Variants in AOPEP observed in about 807,000 individuals in gnomAD.
AOPEP encodes the protein aminopeptidase O.
In AOPEP, 77 loss-of-function variants were observed where a neutral mutation model predicts 98.1. The observed-to-expected ratio is 0.78, with a 90% CI of 0.65 to 0.95. The LOEUF (loss-of-function observed/expected upper bound fraction) is 0.95, where lower values mean the gene tolerates loss of function less well. AOPEP is among the 40% of genes least tolerant of loss of function. The pLI, the probability that AOPEP is intolerant of heterozygous loss-of-function variation, is 0.00. For synonymous variants in AOPEP, 346 were observed against 365.3 expected, an observed-to-expected ratio of 0.95 and a Z score of 0.60; for missense variants, 1,024 against 1,024.7, an observed-to-expected ratio of 1.00 and a Z score of 0.01.
At chr9:94,947,966 G>C (rs1440179326) in intron 7 of AOPEP, among the ~76,000 whole-genome samples, 1 of 152,186 alleles carries the variant, frequency 6.6e-6, no homozygotes, top group East Asian at 1.9e-4. Context: ...TACTATGTTG[G>C]AAGCCACAGC....
chr9:95,044,365 G>T (rs907538464), intron 13 of AOPEP, among the ~76,000 whole-genome samples: 1 of 151,336 alleles, frequency 6.6e-6, no homozygotes, highest in African/African-American at 2.4e-5. Context: ...TTCAAAACTG[G>T]CTCCGCTGGA....
intron 11 of AOPEP, among the ~76,000 whole-genome samples, chr9:94,999,003 A>T (rs892496368): frequency 6.6e-6 from 1 of 152,308 alleles, no homozygotes; most frequent in South Asian, 2.1e-4. Flanking sequence ...TTATAAGTAG[A>T]GTTATAAGTT....
At chr9:94,879,454 G>A (rs2047328244) in intron 5 of AOPEP, among the ~76,000 whole-genome samples, 1 of 152,148 alleles carries the variant, frequency 6.6e-6, no homozygotes, top group South Asian at 2.1e-4. Context: ...GGTGATAAAG[G>A]CAATGGTAGT....
intron 4 of AOPEP, 78 bp downstream of exon 4, chr9:94,792,996 A>C: frequency 7.0e-7 from 1 of 1,436,332 alleles, no homozygotes; most frequent in Admixed American, 2.1e-5. Flanking sequence ...TCTTCCAAGC[A>C]CTGGGAATGT....
chr9:94,797,147 G>A (rs1847127780), intron 4 of AOPEP, among the ~76,000 whole-genome samples: 1 of 152,184 alleles, frequency 6.6e-6, no homozygotes, highest in Non-Finnish European at 1.5e-5. Context: ...AAAAAGCACA[G>A]AATTGGCCAG....
intron 5 of AOPEP, among the ~76,000 whole-genome samples, chr9:94,888,387 A>G (rs2048483975): frequency 6.6e-6 from 1 of 151,422 alleles, no homozygotes; most frequent in Non-Finnish European, 1.5e-5. Context: ...GACCTGTACA[A>G]GGAGGGCCTA....
intron 5 of AOPEP, among the ~76,000 whole-genome samples, chr9:94,837,944 C>T (rs932210403): frequency 2.6e-5 from 4 of 152,184 alleles, no homozygotes; most frequent in African/African-American, 9.6e-5. Flanking sequence ...TAAAGGTCAT[C>T]CAAATTGGTA....
chr9:95,103,152 C>T, the AOPEP span, among the ~76,000 whole-genome samples: 3 of 152,034 alleles, frequency 2.0e-5, no homozygotes, highest in South Asian at 2.1e-4. Context: ...GACTGTCCCC[C>T]GCTCAGGGGC....
chr9:95,094,649 T>C, the AOPEP span, among the ~76,000 whole-genome samples: 1 of 152,228 alleles, frequency 6.6e-6, no homozygotes, highest in Non-Finnish European at 1.5e-5. Flanking sequence ...TACTGTGGCG[T>C]GCTCAGGATC....
chr9:95,108,864 T>C, the AOPEP span, among the ~76,000 whole-genome samples: 1 of 152,144 alleles, frequency 6.6e-6, no homozygotes, highest in African/African-American at 2.4e-5. Flanking sequence ...TAATGTACTA[T>C]AAGCAGTTCA....
At chr9:95,138,148 C>T in the AOPEP span, among the ~76,000 whole-genome samples, 1 of 152,264 alleles carries the variant, frequency 6.6e-6, no homozygotes, top group African/African-American at 2.4e-5. Context: ...CCTCCCCGCA[C>T]AGAAGAGGCA....
chr9:94,895,806 G>T (rs748557236), intron 5 of AOPEP, among the ~76,000 whole-genome samples: 39 of 152,000 alleles, frequency 2.6e-4, no homozygotes, highest in South Asian at 6.2e-4. Flanking sequence ...CACATGCCTC[G>T]GCCTCCCAAA....
the AOPEP span, among the ~76,000 whole-genome samples, chr9:95,125,638 ATGTT>A: frequency 6.6e-5 from 10 of 152,176 alleles, no homozygotes; most frequent in East Asian, 3.8e-4. Flanking sequence ...ATTTTTCTTT[ATGTT>A]TGTTTAAGCA....
intron 5 of AOPEP, among the ~76,000 whole-genome samples, chr9:94,881,860 C>T (rs1383839374): frequency 6.6e-6 from 1 of 152,182 alleles, no homozygotes; most frequent in African/African-American, 2.4e-5. Flanking sequence ...TAGCTTATTT[C>T]AGCCATTCCT....
intron 10 of AOPEP, among the ~76,000 whole-genome samples, chr9:94,974,250 A>G (rs1447525383): frequency 2.0e-5 from 3 of 152,124 alleles, no homozygotes; most frequent in Non-Finnish European, 4.4e-5. Context: ...TTTCTCTCAT[A>G]ATTTAACATC....
chr9:94,885,008 C>T (rs1418608335), intron 5 of AOPEP, among the ~76,000 whole-genome samples: 1 of 113,740 alleles, frequency 8.8e-6, no homozygotes, highest in Non-Finnish European at 1.8e-5. Context: ...GACTCCGTCT[C>T]AAAAAAAAAA....
intron 11 of AOPEP, among the ~76,000 whole-genome samples, chr9:95,003,030 A>T (rs1385338257): frequency 6.6e-6 from 1 of 152,220 alleles, no homozygotes; most frequent in Non-Finnish European, 1.5e-5. Flanking sequence ...GTTATCCATG[A>T]TCTGGGTGCT....
chr9:94,882,804 TA>T (rs2047743444), intron 5 of AOPEP, among the ~76,000 whole-genome samples: 1 of 151,922 alleles, frequency 6.6e-6, no homozygotes, highest in Admixed American at 6.6e-5. Context: ...AAACAGAAAA[TA>T]AAAACCAAAC....
At chr9:94,769,442 G>A (rs1187085753) in intron 2 of AOPEP, among the ~76,000 whole-genome samples, 1 of 152,112 alleles carries the variant, frequency 6.6e-6, no homozygotes, top group Non-Finnish European at 1.5e-5. Context: ...GAAAAGAATA[G>A]GCTGGGAGCA....
Sources: gnomAD v4.1 joint callset for allele counts (sites outside exome capture counted in the v4.1 genomes callset) on GRCh38, gnomAD v4.1.1 for gene constraint, MANE v1.5 for transcripts, NCBI Gene and HGNC (gene_info 2026-07-23, HGNC 2026-07-21) for gene names.